SNRK: variants seen among roughly 807,000 people sequenced by gnomAD.
SNRK encodes the protein SNF-related serine/threonine-protein kinase.
Under a neutral mutation model 48.2 loss-of-function variants are expected in SNRK, and 3 were observed. The ratio of observed to expected loss-of-function variants is 0.06; its 90% CI spans 0.03 to 0.16. SNRK has a LOEUF of 0.16. Ranked by LOEUF, SNRK falls within the 10% of genes least tolerant of loss-of-function variation. The pLI is 1.00. For synonymous variants in SNRK, 376 were observed against 366.1 expected, an observed-to-expected ratio of 1.03 and a Z score of -0.31; for missense variants, 627 against 976.0, an observed-to-expected ratio of 0.64 and a Z score of 4.76.
chr3:43,346,223 A>G (rs375240383), intron 6 of SNRK, among the ~76,000 whole-genome samples: 1 of 151,624 alleles, frequency 6.6e-6, no homozygotes, highest in Non-Finnish European at 1.5e-5. Flanking sequence ...TCAAATTTAA[A>G]TTTTTTTTTA....
In SNRK at chr3:43,347,509, C is replaced by T; in HGVS notation, c.1250C>T (p.Pro417Leu). 1 of 1,613,616 alleles carries T rather than the reference C, an allele frequency of 6.2e-7. No individual in the cohort carries two copies. Among genetic ancestry groups the T allele is most frequent in the Non-Finnish European group, 8.5e-7 (1 of 1,179,752 alleles). ...LCDSAKKDDL[P>L]ELAGPALSTV... ...GACTCAGCTAAGAAAGATGACCTCC[C>T]TGAGTTGGCTGGACCAGCACTCTCT... The change falls in exon 7 of 7, where the codon CCT becomes CTT. Residue 417 changes from proline to leucine, a missense_variant. Pro to Leu is a moderately conservative substitution (Grantham distance 98). Coordinates refer to ENST00000296088, the MANE Select transcript of SNRK (RefSeq NM_017719.5). This position sits in a 1 kb window ranked among gnomAD's most constrained non-coding sequence, Gnocchi z 5.4.
At chr3:43,340,896 T>C (rs1218470943) in intron 5 of SNRK, among the ~76,000 whole-genome samples, 1 of 152,222 alleles carries the variant, frequency 6.6e-6, no homozygotes, top group South Asian at 2.1e-4. Flanking sequence ...AAGTCAGGAG[T>C]TGGTAAATGC....
intron 4 of SNRK, among the ~76,000 whole-genome samples, chr3:43,336,297 TCCCTTGCTCTCTC>T (rs1441858379): frequency 7.2e-6 from 1 of 139,124 alleles, no homozygotes; most frequent in Non-Finnish European, 1.6e-5. Context: ...GCTCTCTCCC[TCCCTTGCTCTCTC>T]CCTCTGTCCG....
chr3:43,295,356 G>A (rs920548652), intron 1 of SNRK, among the ~76,000 whole-genome samples: 4 of 152,178 alleles, frequency 2.6e-5, no homozygotes, highest in African/African-American at 9.7e-5. Context: ...ACTGGAACAG[G>A]CTTCTCACCA....
intron 3 of SNRK, among the ~76,000 whole-genome samples, chr3:43,327,440 T>C (rs2091104784): frequency 6.6e-6 from 1 of 152,220 alleles, no homozygotes; most frequent in Non-Finnish European, 1.5e-5. Flanking sequence ...GCCCCTATTT[T>C]ATCTGCTGTG....
intron 1 of SNRK, among the ~76,000 whole-genome samples, chr3:43,298,512 T>C (rs1326987573): frequency 6.6e-6 from 1 of 152,214 alleles, no homozygotes; most frequent in Non-Finnish European, 1.5e-5. Context: ...CCCTCATTCC[T>C]GGCAGGACAC....
At chr3:43,312,591 A>T (rs73831248) in intron 3 of SNRK, among the ~76,000 whole-genome samples, 3,797 of 152,286 alleles carry the variant, frequency 0.025, 158 homozygotes, top group African/African-American at 0.084. Flanking sequence ...AGGCAAGGAT[A>T]TACATATATC....
In SNRK at chr3:43,349,734, T is replaced by C. The variant is rs1453439411; in HGVS notation, c.*1177T>C. Reference sequence around the variant, plus strand: ...AAGAACTCTTGCTTTAACCTATTCCTGTACAAAGACTGTTTTTGACCAGAT... The same window carrying C: ...AAGAACTCTTGCTTTAACCTATTCCCGTACAAAGACTGTTTTTGACCAGAT... On this transcript the variant is annotated 3_prime_UTR_variant, in exon 7 of 7. Coordinates refer to ENST00000296088, the MANE Select transcript of SNRK (RefSeq NM_017719.5). The C allele has an allele frequency of 6.6e-6, 1 of 152,272 alleles. No individual in the cohort carries two copies. The highest frequency in any genetic ancestry group is 1.9e-4 in the East Asian group (1 of 5,204). 9.4% of individuals were successfully genotyped at this position (152,272 alleles called of 1,614,324 possible). A position where few individuals can be genotyped will look rare whatever the true frequency, so the allele number is the denominator to read the frequency against.
chr3:43,337,228 C>T (rs992040172), intron 4 of SNRK, among the ~76,000 whole-genome samples: 1 of 151,934 alleles, frequency 6.6e-6, no homozygotes, highest in Non-Finnish European at 1.5e-5. Flanking sequence ...CACACGCCAC[C>T]ACATCTGGCT....
chr3:43,311,830 A>G (rs2090981020), intron 3 of SNRK, among the ~76,000 whole-genome samples: 1 of 152,100 alleles, frequency 6.6e-6, no homozygotes. Context: ...TTGGTAAGTA[A>G]AGGTTTTGTC....
chr3:43,323,654 T>C (rs1188419473), intron 3 of SNRK, among the ~76,000 whole-genome samples: 1 of 152,222 alleles, frequency 6.6e-6, no homozygotes, highest in African/African-American at 2.4e-5. Context: ...TACAAAAGCC[T>C]GTACACACTT....
At chr3:43,307,209 A>G (rs1287912002) in intron 3 of SNRK, among the ~76,000 whole-genome samples, 1 of 152,232 alleles carries the variant, frequency 6.6e-6, no homozygotes, top group Non-Finnish European at 1.5e-5. Context: ...CAATAAAGAT[A>G]TTAAAAGTTT....
At chr3:43,304,443 A>G (rs895032816) in intron 3 of SNRK, among the ~76,000 whole-genome samples, 1 of 152,190 alleles carries the variant, frequency 6.6e-6, no homozygotes, top group Non-Finnish European at 1.5e-5. Flanking sequence ...TACCTTTGGC[A>G]TTCCTAACTA....
intron 4 of SNRK, among the ~76,000 whole-genome samples, chr3:43,334,185 T>G (rs1315986951): frequency 6.6e-6 from 1 of 151,868 alleles, no homozygotes; most frequent in Non-Finnish European, 1.5e-5. Context: ...GCATGGTGGC[T>G]CGTTCCTGTA....
At chr3:43,342,890 T>C (rs2091247799) in intron 5 of SNRK, among the ~76,000 whole-genome samples, 1 of 152,220 alleles carries the variant, frequency 6.6e-6, no homozygotes, top group Admixed American at 6.5e-5. Flanking sequence ...AGTATGAAAA[T>C]AAAAACATTT....
At chr3:43,346,530 T>G (rs1336923125) in intron 6 of SNRK, among the ~76,000 whole-genome samples, 1 of 152,234 alleles carries the variant, frequency 6.6e-6, no homozygotes, top group South Asian at 2.1e-4. Context: ...AAATGAAAGT[T>G]TAAATAATGG....
chr3:43,293,074 C>G (rs1400003077), intron 1 of SNRK, among the ~76,000 whole-genome samples: 2 of 152,142 alleles, frequency 1.3e-5, no homozygotes, highest in Non-Finnish European at 2.9e-5. Flanking sequence ...GTTATTCAGA[C>G]TGAAGCAGTT....
In SNRK at chr3:43,342,108, G is replaced by A. The variant is rs575139682; in HGVS notation, c.945-1236G>A. On this transcript the variant is annotated intron_variant, in intron 5 of 6. Coordinates refer to ENST00000296088, the MANE Select transcript of SNRK (RefSeq NM_017719.5). ...TCTCTGAATTGGCCTTACGTTCTTA[G>A]CTTAAATAAATACATATATACATGT... is the stretch of plus-strand genomic sequence containing the variant. Among the ~76,000 whole-genome samples, 3 of 152,288 alleles carry A rather than the reference G, an allele frequency of 2.0e-5. No homozygotes were observed. In the South Asian group the frequency reaches 6.2e-4, roughly 32 times the overall value.
intron 3 of SNRK, among the ~76,000 whole-genome samples, chr3:43,312,925 A>G (rs2090989395): frequency 1.3e-5 from 2 of 152,224 alleles, no homozygotes; most frequent in Non-Finnish European, 2.9e-5. Context: ...AAATAAATGG[A>G]GAGACATGTG....
Sources: allele counts gnomAD v4.1 joint callset (sites outside exome capture counted in the v4.1 genomes callset), GRCh38; gene constraint gnomAD v4.1.1; non-coding constraint Gnocchi (gnomAD v3.1); transcripts MANE v1.5; gene names NCBI Gene and HGNC (gene_info 2026-07-23, HGNC 2026-07-21).